Variants in RBM20 observed in about 807,000 individuals in gnomAD.
The protein encoded by RBM20 is RNA-binding protein 20.
Under a neutral mutation model 110.1 loss-of-function variants are expected in RBM20, and 51 were observed. The ratio of observed to expected loss-of-function variants is 0.46; its 90% CI spans 0.37 to 0.59. RBM20 has a LOEUF of 0.59. Ranked by LOEUF, RBM20 falls within the 20% of genes least tolerant of loss-of-function variation. The pLI is 0.00. For synonymous variants in RBM20, 589 were observed against 618.2 expected (o/e 0.95, Z 0.70); for missense variants, 1,512 against 1,574.9 (o/e 0.96, Z 0.68).
At chr10:110,757,601 T>C (rs1843937789) in intron 1 of RBM20, among the ~76,000 whole-genome samples, 1 of 152,214 alleles carries the variant, frequency 6.6e-6, no homozygotes, top group Admixed American at 6.5e-5. Context: ...AGTGATACCA[T>C]ACTGAAGACT....
At chr10:110,681,712 T>C (rs1202581826) in intron 1 of RBM20, among the ~76,000 whole-genome samples, 2 of 152,216 alleles carry the variant, frequency 1.3e-5, no homozygotes, top group African/African-American at 2.4e-5. Context: ...AGAGTTCCTG[T>C]ATGCTTTTTA....
At chr10:110,769,642 G>T (rs1844158992) in intron 1 of RBM20, among the ~76,000 whole-genome samples, 1 of 152,100 alleles carries the variant, frequency 6.6e-6, no homozygotes, top group Admixed American at 6.6e-5. Flanking sequence ...GGAAGAGGAA[G>T]CCCATTCTTG....
chr10:110,778,592 C>T (rs1844297150), intron 1 of RBM20, among the ~76,000 whole-genome samples: 1 of 152,234 alleles, frequency 6.6e-6, no homozygotes, highest in South Asian at 2.1e-4. Flanking sequence ...CCTAAGCATG[C>T]TTATTGTACA....
chr10:110,799,941 C>A lies in RBM20; in HGVS notation c.1800+23C>A. 1.9e-6 allele frequency: 3 copies of A among 1,550,648 alleles called. No individual in the cohort carries two copies. In the South Asian group the frequency reaches 3.6e-5, roughly 18 times the overall value. On this transcript the variant is annotated intron_variant, in intron 7 of 13. Coordinates refer to ENST00000369519, the MANE Select transcript of RBM20 (RefSeq NM_001134363.3). The stretch of plus-strand genomic sequence containing the variant: ...AAGGTAAAGCATTATCTTGCTCATT[C>A]AGTCATTCAACAAGCACCAGATGAG...
intron 1 of RBM20, among the ~76,000 whole-genome samples, chr10:110,728,660 C>T (rs1843589249): frequency 6.6e-6 from 1 of 152,112 alleles, no homozygotes; most frequent in Non-Finnish European, 1.5e-5. Flanking sequence ...TAATGCTTCT[C>T]TTTTGTGTGG....
Position 110,644,410 on chromosome 10 carries a change from T to C in RBM20, c.-45T>C. ...AGCGCCCGTGGCCCGGGACCGCCCC[T>C]CCCTTGAGCTCTCTCGCCGCGATCC... On this transcript the variant is annotated 5_prime_UTR_variant, in exon 1 of 14. Coordinates refer to ENST00000369519, the MANE Select transcript of RBM20 (RefSeq NM_001134363.3). This position sits in a 1 kb window ranked among gnomAD's most constrained non-coding sequence, Gnocchi z 4.3. 1 of 1,387,270 alleles carries C rather than the reference T, an allele frequency of 7.2e-7. No individual in the cohort carries two copies. 85.9% of individuals were successfully genotyped at this position (1,387,270 alleles called of 1,614,324 possible). A position where few individuals can be genotyped will look rare whatever the true frequency, so the allele number is the denominator to read the frequency against.
chr10:110,659,856 CT>C (rs976628733), intron 1 of RBM20, among the ~76,000 whole-genome samples: 22 of 143,572 alleles, frequency 1.5e-4, no homozygotes, highest in South Asian at 2.3e-4. Context: ...TCTTCCTCTT[CT>C]TTTTTTTTTA....
intron 1 of RBM20, among the ~76,000 whole-genome samples, chr10:110,755,984 A>G (rs781214469): frequency 1.3e-5 from 2 of 152,240 alleles, no homozygotes; most frequent in Non-Finnish European, 2.9e-5. Flanking sequence ...AGCGTTAGTC[A>G]GCAGCCTCTT....
At chr10:110,823,081 A>C (rs116165453) in intron 11 of RBM20, among the ~76,000 whole-genome samples, 2,085 of 151,098 alleles carry the variant, frequency 0.014, 57 homozygotes, top group African/African-American at 0.048. Context: ...AGAGAATGGC[A>C]TTGCCTGTTT....
intron 1 of RBM20, among the ~76,000 whole-genome samples, chr10:110,687,296 A>G (rs374621163): frequency 3.8e-4 from 58 of 152,268 alleles, no homozygotes; most frequent in African/African-American, 1.3e-3. Flanking sequence ...GAGGGTTAAC[A>G]TTTTTTAAGT....
Position 110,693,509 on chromosome 10 carries a change from A to G in RBM20, c.191+48864A>G, listed in dbSNP as rs115567652. Among the ~76,000 whole-genome samples the G allele has an allele frequency of 3.7e-3, 567 of 152,206 alleles. 4 individuals are homozygous for G. The highest frequency in any genetic ancestry group is 0.013 in the African/African-American group (530 of 41,526). On this transcript the variant is annotated intron_variant, in intron 1 of 13. Coordinates refer to ENST00000369519, the MANE Select transcript of RBM20 (RefSeq NM_001134363.3). ...TTTGGTAGATTGTATCTTTCTAGGC[A>G]TTCGTCCATTTCAAACGTGACCATT...
At chr10:110,736,703 G>A (rs542142332) in intron 1 of RBM20, among the ~76,000 whole-genome samples, 1 of 152,290 alleles carries the variant, frequency 6.6e-6, no homozygotes, top group Non-Finnish European at 1.5e-5. Flanking sequence ...CCACCTAATG[G>A]AGGAATTGCC....
intron 6 of RBM20, among the ~76,000 whole-genome samples, chr10:110,799,533 G>C (rs1271771472): frequency 6.6e-6 from 1 of 152,052 alleles, no homozygotes; most frequent in African/African-American, 2.4e-5. Context: ...CCATTAATCG[G>C]TTACATGTGT....
chr10:110,713,128 T>TA (rs1020450968), intron 1 of RBM20, among the ~76,000 whole-genome samples: 5 of 152,334 alleles, frequency 3.3e-5, no homozygotes, highest in South Asian at 2.1e-4. Context: ...TCACAGAAGA[T>TA]AAGTCATTGA....
At chr10:110,768,076 G>C (rs942290335) in intron 1 of RBM20, among the ~76,000 whole-genome samples, 2 of 152,350 alleles carry the variant, frequency 1.3e-5, no homozygotes, top group South Asian at 2.1e-4. Flanking sequence ...AAAAAAATAC[G>C]AAAACCAGTC....
intron 9 of RBM20, among the ~76,000 whole-genome samples, chr10:110,818,805 G>C (rs551556181): frequency 6.6e-6 from 1 of 152,362 alleles, no homozygotes; most frequent in African/African-American, 2.4e-5. Flanking sequence ...GCCATGGATA[G>C]GTGATTCAGG....
chr10:110,733,969 A>C (rs140790188), intron 1 of RBM20, among the ~76,000 whole-genome samples: 43 of 152,240 alleles, frequency 2.8e-4, no homozygotes, highest in African/African-American at 1.0e-3. Flanking sequence ...TCTTTTCATT[A>C]TACCTGCGAA....
At chr10:110,666,782 A>G (rs1376292179) in intron 1 of RBM20, among the ~76,000 whole-genome samples, 1 of 152,130 alleles carries the variant, frequency 6.6e-6, no homozygotes, top group Admixed American at 6.5e-5. Flanking sequence ...GGCTCAAACT[A>G]TTGTAGGATT....
Position 110,837,999 on chromosome 10 carries a change from T to C in RBM20, c.*2021T>C, listed in dbSNP as rs1409486374. On this transcript the variant is annotated 3_prime_UTR_variant, in exon 14 of 14. Coordinates refer to ENST00000369519, the MANE Select transcript of RBM20 (RefSeq NM_001134363.3). ...TGTTGAAGTTCTGTCTTCCAGGAAA[T>C]CAGGAGAGAGAGAGAGAGAAAGAAT... The C allele has an allele frequency of 6.6e-6, 1 of 152,014 alleles. No homozygotes were observed. Among genetic ancestry groups the C allele is most frequent in the Non-Finnish European group, 1.5e-5 (1 of 68,026 alleles). The allele number at this position is 152,014 out of a possible 1,614,324, so 9.4% of individuals were successfully genotyped here.
Sources: gnomAD v4.1 joint callset for allele counts (sites outside exome capture counted in the v4.1 genomes callset) on GRCh38, gnomAD v4.1.1 for gene constraint, Gnocchi (gnomAD v3.1) non-coding constraint, MANE v1.5 for transcripts, NCBI Gene and HGNC (gene_info 2026-07-23, HGNC 2026-07-21) for gene names.